Variants in PRKG2 observed in about 807,000 individuals in gnomAD.
The protein encoded by PRKG2 is cGMP-dependent protein kinase 2.
A neutral mutation model predicts 97.2 loss-of-function variants in PRKG2; 33 were observed. The ratio of observed to expected loss-of-function variants is 0.34; its 90% confidence interval spans 0.26 to 0.45. The LOEUF is 0.45. Among genes scored for constraint, PRKG2 ranks in the 20% least tolerant of loss-of-function variants. The pLI is 1.00. For missense variants in PRKG2, 638 were observed against 900.0 expected, an observed-to-expected ratio of 0.71 and a Z score of 3.73; for synonymous variants, 330 against 321.8, an observed-to-expected ratio of 1.03 and a Z score of -0.27.
intron 5 of PRKG2, among the ~76,000 whole-genome samples, chr4:81,168,588 G>T (rs531829655): frequency 4.6e-5 from 7 of 152,108 alleles, no homozygotes; most frequent in African/African-American, 1.7e-4. Flanking sequence ...AACCTATGTT[G>T]CTCAGTTGGT....
intron 2 of PRKG2, among the ~76,000 whole-genome samples, chr4:81,191,148 G>A (rs1479554338): frequency 6.6e-6 from 1 of 152,108 alleles, no homozygotes; most frequent in Non-Finnish European, 1.5e-5. Flanking sequence ...GTTTATTGCA[G>A]CACTGTTAGC....
chr4:81,135,100 C>T, intron 14 of PRKG2, 55 bp downstream of exon 14: 1 of 1,494,008 alleles, frequency 6.7e-7, no homozygotes, highest in Non-Finnish European at 9.0e-7. Context: ...TAGAACACAA[C>T]TTTTGCCAGG....
At chr4:81,205,196 G>C in intron 1 of PRKG2, 136 bp from the exon 2 acceptor site, 3 of 554,082 alleles carry the variant, frequency 5.4e-6, no homozygotes, top group South Asian at 3.5e-5. Flanking sequence ...TAAACTTCCC[G>C]AAGTTTCCAG....
chr4:81,187,348 C>A (rs1027759836), intron 2 of PRKG2, among the ~76,000 whole-genome samples: 7 of 152,178 alleles, frequency 4.6e-5, no homozygotes, highest in Non-Finnish European at 1.0e-4. Context: ...TGTAATCCAT[C>A]ACATAAACAG....
At chr4:81,166,489 G>A (rs1013490564) in intron 6 of PRKG2, among the ~76,000 whole-genome samples, 2 of 152,006 alleles carry the variant, frequency 1.3e-5, no homozygotes, top group Admixed American at 1.3e-4. Context: ...ATCTGAAGAC[G>A]TTTTCACAAA....
intron 14 of PRKG2, among the ~76,000 whole-genome samples, chr4:81,132,603 G>A (rs548632980): frequency 1.3e-5 from 2 of 152,032 alleles, no homozygotes; most frequent in East Asian, 1.9e-4. Flanking sequence ...CACCCAGCAC[G>A]GTTTTCTTTT....
At chr4:81,134,375 C>A (rs1746460990) in intron 14 of PRKG2, among the ~76,000 whole-genome samples, 1 of 152,054 alleles carries the variant, frequency 6.6e-6, no homozygotes, top group Non-Finnish European at 1.5e-5. Flanking sequence ...AAGTGAGAAA[C>A]TTTTAATATC....
At chr4:81,090,255 G>A (rs1488479326) in intron 18 of PRKG2, among the ~76,000 whole-genome samples, 2 of 152,112 alleles carry the variant, frequency 1.3e-5, no homozygotes, top group African/African-American at 4.8e-5. Context: ...CTACTTTGGA[G>A]GCTGAGGCAG....
chr4:81,094,950 A>G (rs1163760593), intron 17 of PRKG2, among the ~76,000 whole-genome samples: 2 of 152,164 alleles, frequency 1.3e-5, no homozygotes, highest in African/African-American at 4.8e-5. Flanking sequence ...TGCTTTAGAG[A>G]TAAAGAAAGA....
chr4:81,211,331 T>C (rs867374132), intron 1 of PRKG2, among the ~76,000 whole-genome samples: 12 of 152,100 alleles, frequency 7.9e-5, no homozygotes, highest in South Asian at 2.1e-4. Context: ...TCTATAAACC[T>C]AAAATTTCTA....
At position 81,135,169 on chromosome 4, in the gene PRKG2, C is replaced by A. The variant is rs1293006166; in HGVS notation, c.1762G>T (p.Gly588Cys). The A allele has an allele frequency of 6.2e-7, 1 of 1,605,090 alleles. No homozygotes were observed. Among genetic ancestry groups the A allele is most frequent in the Non-Finnish European group, 8.5e-7 (1 of 1,175,386 alleles). ...AGTTGTCTTACCAATTTAAGGTAAC[C>A]CTCAGCATCTAGAATTAAGTTTTCT... ...KPENLILDAEGYLKLVDFGFA... is the reference protein window; with the variant it reads ...KPENLILDAECYLKLVDFGFA... The change falls in exon 14 of 19, where the codon GGT (glycine) becomes TGT (cysteine). Residue 588 changes from glycine (G) to cysteine (C), a missense_variant. Transcript: ENST00000264399.
chr4:81,114,432 G>A (rs1190474234), intron 14 of PRKG2, among the ~76,000 whole-genome samples: 1 of 152,074 alleles, frequency 6.6e-6, no homozygotes, highest in African/African-American at 2.4e-5. Context: ...ATTTGAACCA[G>A]GTTCAAAGGG....
chr4:81,130,044 C>T (rs965911574), intron 14 of PRKG2, among the ~76,000 whole-genome samples: 7 of 152,072 alleles, frequency 4.6e-5, no homozygotes, highest in Non-Finnish European at 7.4e-5. Flanking sequence ...CAAAATCTTT[C>T]GGCATTTGCT....
At chr4:81,116,680 T>C (rs1744560744) in intron 14 of PRKG2, among the ~76,000 whole-genome samples, 1 of 152,148 alleles carries the variant, frequency 6.6e-6, no homozygotes, top group Non-Finnish European at 1.5e-5. Context: ...TGCCAGTATG[T>C]TATTTTTTGA....
chr4:81,185,802 CA>C (rs2110103480), intron 2 of PRKG2, among the ~76,000 whole-genome samples: 1 of 151,864 alleles, frequency 6.6e-6, no homozygotes, highest in South Asian at 2.1e-4. Context: ...TGGAAAGCAA[CA>C]AAAAGCAAAA....
chr4:81,182,255 C>G (rs1400849377), intron 2 of PRKG2, among the ~76,000 whole-genome samples: 1 of 142,216 alleles, frequency 7.0e-6, no homozygotes, highest in Non-Finnish European at 1.5e-5. Flanking sequence ...TGAACATTAA[C>G]ATAATTATCA....
chr4:81,133,090 G>A (rs1399666465), intron 14 of PRKG2, among the ~76,000 whole-genome samples: 1 of 151,920 alleles, frequency 6.6e-6, no homozygotes, highest in African/African-American at 2.4e-5. Flanking sequence ...ATTGATTCTT[G>A]GGAACTTGGG....
At chr4:81,118,558 C>T (rs1320028736) in intron 14 of PRKG2, among the ~76,000 whole-genome samples, 3 of 152,158 alleles carry the variant, frequency 2.0e-5, no homozygotes, top group Non-Finnish European at 4.4e-5. Flanking sequence ...TGATTTTGAA[C>T]ATCTTTCATA....
Position 81,104,424 on chromosome 4 carries a change from G to T in PRKG2, c.2072C>A (p.Pro691Gln). ...DLIRRLCRQN[P>Q]TERLGNLKNG... is the part of the protein sequence containing the mutation. ...CTTCAGATTTCCCAGCCTTTCTGTT[G>T]GATTTTGCCTAAAACAATAATTTGT... The change falls in exon 17 of 19, where the codon CCA (proline) becomes CAA (glutamine). Residue 691 changes from proline (P) to glutamine (Q), a missense_variant. Pro to Gln is a moderately conservative substitution (Grantham distance 76, BLOSUM62 -1). Around this residue, in one of 3 missense-constraint regions of PRKG2, gnomAD observed 304 missense variants for 460.5 expected, o/e 0.66. Transcript: ENST00000264399. 1 of 1,450,298 alleles carries T rather than the reference G, an allele frequency of 6.9e-7. No homozygotes were observed. Among genetic ancestry groups the T allele is most frequent in the Non-Finnish European group, 9.1e-7 (1 of 1,095,958 alleles). The allele number at this position is 1,450,298 out of a possible 1,614,324, so 89.8% of individuals were successfully genotyped here.
Sources: gnomAD v4.1 joint callset for allele counts (sites outside exome capture counted in the v4.1 genomes callset) on GRCh38, gnomAD v4.1.1 for gene constraint, gnomAD v4.1.1 regional missense constraint, MANE v1.5 for transcripts, NCBI Gene and HGNC (gene_info 2026-07-23, HGNC 2026-07-21) for gene names.